The following CSMD3 variants were observed in gnomAD, a reference collection of about 807,000 sequenced individuals.
CSMD3 encodes CUB and sushi domain-containing protein 3.
Under a neutral mutation model 435.2 loss-of-function variants are expected in CSMD3, and 177 were observed. The ratio of observed to expected loss-of-function variants is 0.41; its 90% CI spans 0.36 to 0.46. The LOEUF is 0.46. Among genes scored for constraint, CSMD3 ranks in the 20% least tolerant of loss-of-function variants. The pLI, the probability that CSMD3 is intolerant of heterozygous loss-of-function variation, is 0.34. For missense variants in CSMD3, 4,265 were observed against 4,504.6 expected (o/e 0.95, Z 1.52); for synonymous variants, 1,656 against 1,520.5 (o/e 1.09, Z -2.07).
At chr8:113,048,378 C>A (rs369846171) in intron 5 of CSMD3, among the ~76,000 whole-genome samples, 61 of 152,178 alleles carry the variant, frequency 4.0e-4, no homozygotes, top group African/African-American at 1.3e-3. Flanking sequence ...CAGGCGTGAG[C>A]CACCGCGCCC....
rs563451721 is a variant in CSMD3, at chr8:112,859,245, A to C, written c.1655T>G (p.Leu552Arg). 2.5e-6 allele frequency: 4 copies of C among 1,611,336 alleles called. No homozygotes were observed. In the African/African-American group the frequency reaches 5.3e-5, roughly 22 times the overall value. ...TGTAAAGGTACCACTTGGTCCTTGA[A>C]GATTAGAGCCACACGTTTTCACTAA... ...VCKVKTCGSN[L>R]QGPSGTFTSP... Residue 552 changes from leucine (L) to arginine (R), a missense_variant, in exon 11 of 71, where the codon CTT becomes CGT. Transcript: ENST00000297405.
intron 30 of CSMD3, 84 bp downstream of exon 30, chr8:112,503,706 A>G: frequency 6.5e-6 from 6 of 929,848 alleles, no homozygotes; most frequent in Non-Finnish European, 1.0e-5. Context: ...ACTAACCACT[A>G]ACAATGGGCC....
chr8:112,921,647 T>C lies in CSMD3; in HGVS notation c.1613A>G (p.Asp538Gly). ...ATTACCTTTACACACAGGCCTGTGATCACTCCAAGCAGCAAAAACTTCAGC... is the reference window on the plus strand; with the variant it reads ...ATTACCTTTACACACAGGCCTGTGACCACTCCAAGCAGCAAAAACTTCAGC... ...RIAEVFAAWS[D>G]HRPVCKVKTC... The change falls in exon 10 of 71, where the codon GAT becomes GGT. Residue 538 changes from aspartate (D) to glycine (G), a missense_variant. This residue lies in a region of CSMD3 where 731 missense variants were observed against 755.4 expected (regional missense o/e 0.97). Coordinates refer to ENST00000297405, the MANE Select transcript of CSMD3 (RefSeq NM_198123.2). 1.2e-6 allele frequency: 2 copies of C among 1,612,920 alleles called. No homozygotes were observed. The highest frequency in any genetic ancestry group is 2.2e-5 in the South Asian group (2 of 91,052).
intron 13 of CSMD3, among the ~76,000 whole-genome samples, chr8:112,731,302 A>G (rs1340640495): frequency 3.9e-5 from 6 of 152,126 alleles, no homozygotes; most frequent in Non-Finnish European, 8.8e-5. Context: ...TTTTTTAAAA[A>G]ATGAGAAAGG....
At chr8:112,621,996 T>C (rs1205131979) in intron 22 of CSMD3, among the ~76,000 whole-genome samples, 1 of 152,062 alleles carries the variant, frequency 6.6e-6, no homozygotes, top group East Asian at 1.9e-4. Flanking sequence ...CAAAAGGAGA[T>C]TGGCTCTTAG....
chr8:112,232,436 C>G (rs1007849127), intron 68 of CSMD3, among the ~76,000 whole-genome samples: 23 of 152,064 alleles, frequency 1.5e-4, no homozygotes, highest in African/African-American at 5.6e-4. Flanking sequence ...GGTAAAACCC[C>G]CGTCTCTACT....
intron 5 of CSMD3, among the ~76,000 whole-genome samples, chr8:113,052,855 A>G (rs1236178290): frequency 6.6e-6 from 1 of 152,222 alleles, no homozygotes; most frequent in Admixed American, 6.5e-5. Flanking sequence ...TGTGGATTTT[A>G]CAATAAAATA....
At chr8:113,335,540 T>C (rs2132807497) in intron 1 of CSMD3, among the ~76,000 whole-genome samples, 1 of 138,814 alleles carries the variant, frequency 7.2e-6, no homozygotes, top group Middle Eastern at 3.7e-3. Context: ...CCTCCTTCTT[T>C]TTTTTTTTTT....
chr8:113,081,995 G>A (rs2089584417), intron 5 of CSMD3, among the ~76,000 whole-genome samples: 2 of 152,066 alleles, frequency 1.3e-5, no homozygotes, highest in South Asian at 4.1e-4. Context: ...TGCCCTCTGG[G>A]GATCTGAGAA....
rs1334796557 is a variant in CSMD3 at position 112,611,689 on chromosome 8, A to G, written c.3716-24454T>C. Reference sequence around the variant, plus strand: ...TAGGGTGGCATTTGTTGCTGGCAACAACACATGTTGAGTCATTTTATATTC... The same window carrying G: ...TAGGGTGGCATTTGTTGCTGGCAACGACACATGTTGAGTCATTTTATATTC... On this transcript the variant is annotated intron_variant, in intron 22 of 70. Transcript: ENST00000297405. 5.3e-5 allele frequency among the ~76,000 whole-genome samples: 8 copies of G among 152,182 alleles called. No homozygotes were observed. The East Asian group carries it at 1.3e-3, about 26-fold the overall frequency.
intron 1 of CSMD3, among the ~76,000 whole-genome samples, chr8:113,401,424 A>C (rs2133203765): frequency 6.6e-6 from 1 of 151,768 alleles, no homozygotes; most frequent in African/African-American, 2.4e-5. Flanking sequence ...TTGATGATAA[A>C]ATTTAGGTAA....
intron 1 of CSMD3, among the ~76,000 whole-genome samples, chr8:113,367,827 C>T (rs917481224): frequency 6.6e-6 from 1 of 152,068 alleles, no homozygotes; most frequent in Non-Finnish European, 1.5e-5. Flanking sequence ...ACTTCCCTGG[C>T]CCACCACCTC....
chr8:112,361,746 T>C lies in CSMD3; in HGVS notation c.6137-9212A>G, dbSNP rs187949499. On this transcript the variant is annotated intron_variant, in intron 38 of 70. Coordinates refer to ENST00000297405, the MANE Select transcript of CSMD3 (RefSeq NM_198123.2). The stretch of plus-strand genomic sequence containing the variant: ...ATTGTTTTGTTAAAGGAAAAACTCA[T>C]TCATAAATTTGACATGACAACCTAT... Among the ~76,000 whole-genome samples the C allele has an allele frequency of 2.1e-3, 320 of 151,184 alleles. 1 individual carries two copies. Among genetic ancestry groups the C allele is most frequent in the African/African-American group, 6.3e-3 (262 of 41,390 alleles).
chr8:113,014,562 C>T lies in CSMD3; in HGVS notation c.1030+4505G>A, dbSNP rs541661244. On this transcript the variant is annotated intron_variant, in intron 6 of 70. Coordinates refer to ENST00000297405, the MANE Select transcript of CSMD3 (RefSeq NM_198123.2). ...TGGCAGAAAATAACAACCAACCATCCTGTAAATGAATACAAAGATAATTAA... is the reference window on the plus strand; with the variant it reads ...TGGCAGAAAATAACAACCAACCATCTTGTAAATGAATACAAAGATAATTAA... Among the ~76,000 whole-genome samples, 105 of 152,076 alleles carry T rather than the reference C, an allele frequency of 6.9e-4. 1 individual carries two copies. Among genetic ancestry groups the T allele is most frequent in the African/African-American group, 2.3e-3 (96 of 41,496 alleles).
intron 10 of CSMD3, among the ~76,000 whole-genome samples, chr8:112,879,624 C>A (rs186129474): frequency 1.3e-5 from 2 of 152,014 alleles, no homozygotes; most frequent in African/African-American, 2.4e-5. Flanking sequence ...ACGGAACCTG[C>A]CGACATGTGA....
At chr8:112,247,781 C>G (rs565318551) in intron 63 of CSMD3, among the ~76,000 whole-genome samples, 1 of 152,196 alleles carries the variant, frequency 6.6e-6, no homozygotes, top group South Asian at 2.1e-4. Context: ...CCCAGACACA[C>G]TGAATCAGAA....
chr8:112,651,034 GGCCC>G (rs2075114276), intron 18 of CSMD3, among the ~76,000 whole-genome samples: 1 of 152,080 alleles, frequency 6.6e-6, no homozygotes, highest in Admixed American at 6.6e-5. Flanking sequence ...AAACATTCCT[GGCCC>G]CCACCTGTTC....
intron 21 of CSMD3, among the ~76,000 whole-genome samples, chr8:112,637,580 C>T (rs575402438): frequency 6.6e-6 from 1 of 151,808 alleles, no homozygotes; most frequent in Non-Finnish European, 1.5e-5. Context: ...TTTCCCCAGG[C>T]AATAAATGAA....
chr8:112,357,584 C>G (rs1233697413), intron 38 of CSMD3, among the ~76,000 whole-genome samples: 2 of 152,174 alleles, frequency 1.3e-5, no homozygotes, highest in Admixed American at 6.5e-5. Flanking sequence ...CATCACAGGC[C>G]TAGAGGCCTA....
Sources: gnomAD v4.1 joint callset for allele counts (sites outside exome capture counted in the v4.1 genomes callset) on GRCh38, gnomAD v4.1.1 for gene constraint, gnomAD v4.1.1 regional missense constraint, MANE v1.5 for transcripts, NCBI Gene and HGNC (gene_info 2026-07-23, HGNC 2026-07-21) for gene names.